Variants in TSC22D1 observed in about 807,000 individuals in gnomAD.
The protein encoded by TSC22D1 is TSC22 domain family protein 1.
In TSC22D1, 9 loss-of-function variants were observed where a neutral mutation model predicts 74.2. The ratio of observed to expected loss-of-function variants is 0.12; its 90% CI spans 0.07 to 0.21. The LOEUF is 0.21. Ranked by LOEUF, TSC22D1 falls within the 10% of genes least tolerant of loss-of-function variation. The pLI is 1.00. For synonymous variants in TSC22D1, 586 were observed against 492.5 expected (o/e 1.19, Z -2.51); for missense variants, 1,427 against 1,304.7 (o/e 1.09, Z -1.44).
At chr13:44,484,479 G>A (rs934221976) in intron 1 of TSC22D1, among the ~76,000 whole-genome samples, 11 of 152,128 alleles carry the variant, frequency 7.2e-5, no homozygotes, top group Admixed American at 2.0e-4. Flanking sequence ...CTGAATGTGA[G>A]CACAGAAACA....
intron 1 of TSC22D1, among the ~76,000 whole-genome samples, chr13:44,553,904 T>C (rs532990746): frequency 1.3e-5 from 2 of 152,298 alleles, no homozygotes; most frequent in South Asian, 4.1e-4. Context: ...TTCTTAGAAC[T>C]AAGAGAGTAG....
chr13:44,517,852 TA>T (rs1409780861), intron 1 of TSC22D1, among the ~76,000 whole-genome samples: 9 of 43,612 alleles, frequency 2.1e-4, no homozygotes, highest in Non-Finnish European at 3.0e-4. Context: ...TATATATATA[TA>T]TATATTTTTT....
intron 1 of TSC22D1, among the ~76,000 whole-genome samples, chr13:44,500,435 G>T (rs1879173947): frequency 6.6e-6 from 1 of 152,046 alleles, no homozygotes; most frequent in Non-Finnish European, 1.5e-5. Flanking sequence ...ATTCTTAGTT[G>T]ACTATATATC....
intron 1 of TSC22D1, among the ~76,000 whole-genome samples, chr13:44,512,314 C>A (rs1374967463): frequency 6.6e-6 from 1 of 151,984 alleles, no homozygotes; most frequent in Non-Finnish European, 1.5e-5. Flanking sequence ...GGACTACAGG[C>A]GCCCATCACC....
chr13:44,549,502 G>T (rs1882061144), intron 1 of TSC22D1, among the ~76,000 whole-genome samples: 1 of 152,152 alleles, frequency 6.6e-6, no homozygotes, highest in African/African-American at 2.4e-5. Flanking sequence ...GCTGGGCACA[G>T]TGGATCAGGC....
chr13:44,512,974 G>C (rs1369517987), intron 1 of TSC22D1, among the ~76,000 whole-genome samples: 1 of 152,196 alleles, frequency 6.6e-6, no homozygotes, highest in Non-Finnish European at 1.5e-5. Flanking sequence ...TAAAGCCTGT[G>C]TCCTAATTCA....
At chr13:44,466,640 C>A (rs981534533) in intron 1 of TSC22D1, among the ~76,000 whole-genome samples, 2 of 151,804 alleles carry the variant, frequency 1.3e-5, no homozygotes, top group African/African-American at 4.8e-5. Flanking sequence ...TGTTGTGATG[C>A]ATACCTGTAG....
intron 1 of TSC22D1, among the ~76,000 whole-genome samples, chr13:44,513,210 C>G (rs142231758): frequency 1.3e-5 from 2 of 152,154 alleles, no homozygotes; most frequent in African/African-American, 4.8e-5. Flanking sequence ...TTGTCTTTAT[C>G]CTATTAAGTG....
intron 1 of TSC22D1, chr13:44,437,292 T>C: frequency 1.0e-6 from 1 of 981,326 alleles, no homozygotes; most frequent in Non-Finnish European, 1.2e-6. Context: ...GTCCCACCAC[T>C]GTAAGACTTC....
At chr13:44,536,649 A>G in intron 1 of TSC22D1, 2 of 795,560 alleles carry the variant, frequency 2.5e-6, no homozygotes, top group Non-Finnish European at 3.0e-6. Context: ...CTGTTTTTGG[A>G]TGCTATTCTG....
At chr13:44,441,058 G>C (rs1875156655) in intron 1 of TSC22D1, among the ~76,000 whole-genome samples, 1 of 152,200 alleles carries the variant, frequency 6.6e-6, no homozygotes, top group South Asian at 2.1e-4. Context: ...ACACCAAAAT[G>C]GAGGAGCAAA....
chr13:44,551,828 G>C (rs552938914), intron 1 of TSC22D1, among the ~76,000 whole-genome samples: 1 of 152,270 alleles, frequency 6.6e-6, no homozygotes, highest in African/African-American at 2.4e-5. Flanking sequence ...TTGAGGTCAG[G>C]TGTTCGAGGC....
At chr13:44,502,841 C>T (rs1029351496) in intron 1 of TSC22D1, among the ~76,000 whole-genome samples, 1 of 152,234 alleles carries the variant, frequency 6.6e-6, no homozygotes, top group South Asian at 2.1e-4. Context: ...CATGTACAGA[C>T]TACACCTTAT....
chr13:44,543,208 A>G (rs964589287), intron 1 of TSC22D1, among the ~76,000 whole-genome samples: 1 of 152,208 alleles, frequency 6.6e-6, no homozygotes, highest in African/African-American at 2.4e-5. Context: ...ACATCAAATT[A>G]GGCTGTTTGC....
intron 1 of TSC22D1, among the ~76,000 whole-genome samples, chr13:44,551,394 GTGTGTGTGTGTGTGTGTGT>G (rs1882256087): frequency 9.1e-6 from 1 of 109,520 alleles, no homozygotes; most frequent in Admixed American, 8.1e-5. Context: ...AGATGGGTGT[GTGTGTGTGTGTGTGTGTGT>G]GTGTGTGTGT....
intron 1 of TSC22D1, among the ~76,000 whole-genome samples, chr13:44,451,913 C>T (rs576710763): frequency 1.3e-5 from 2 of 152,330 alleles, no homozygotes; most frequent in South Asian, 4.1e-4. Context: ...GGACTGCAAA[C>T]TCACCAAGGG....
chr13:44,574,486 A>G lies in TSC22D1; in HGVS notation c.1589T>C (p.Ile530Thr). ...MDFGSTGPQS[I>T]PAVSIPQSIS... ...ACTCTGTGGTATACTAACTGCTGGAATACTCTGTGGACCAGTGCTACCAAA... is the reference window on the plus strand; with the variant it reads ...ACTCTGTGGTATACTAACTGCTGGAGTACTCTGTGGACCAGTGCTACCAAA... Residue 530 changes from isoleucine (I) to threonine (T), a missense_variant, in exon 1 of 3, where the codon ATT becomes ACT. Physicochemically the swap from Ile to Thr is moderately conservative, Grantham distance 89. Coordinates refer to ENST00000458659, the MANE Select transcript of TSC22D1 (RefSeq NM_183422.4). The G allele has an allele frequency of 6.2e-7, 1 of 1,614,124 alleles. No homozygotes were observed. The highest frequency in any genetic ancestry group is 1.7e-5 in the Admixed American group (1 of 60,026).
intron 1 of TSC22D1, among the ~76,000 whole-genome samples, chr13:44,505,413 G>A (rs1879402145): frequency 6.6e-6 from 1 of 152,106 alleles, no homozygotes; most frequent in Non-Finnish European, 1.5e-5. Context: ...AATTAGCCAG[G>A]CGTGGTGGTG....
intron 1 of TSC22D1, among the ~76,000 whole-genome samples, chr13:44,551,389 GGTGTGTGTGTGTGTGTGTGTGTGTGTGT>G (rs376368576): frequency 8.0e-6 from 1 of 125,306 alleles, no homozygotes; most frequent in East Asian, 2.4e-4. Flanking sequence ...CAATCAGATG[GGTGTGTGTGTGTGTGTGTGTGTGTGTGT>G]GTGTGTGTGT....
Sources: gnomAD v4.1 joint callset for allele counts (sites outside exome capture counted in the v4.1 genomes callset) on GRCh38, gnomAD v4.1.1 for gene constraint, MANE v1.5 for transcripts, NCBI Gene and HGNC (gene_info 2026-07-23, HGNC 2026-07-21) for gene names.